The following PARD3 variants were observed in gnomAD, a reference collection of about 807,000 sequenced individuals.
The protein encoded by PARD3 is partitioning defective 3 homolog.
PARD3 carries 75 observed loss-of-function variants against 155.4 expected under a neutral mutation model. The ratio of observed to expected loss-of-function variants is 0.48; its 90% CI spans 0.40 to 0.58. PARD3 has a LOEUF of 0.58. PARD3 is among the 20% of genes least tolerant of loss of function. The probability of loss-of-function intolerance (pLI) is 0.00; values close to 1 mark genes in which losing one functional copy is unlikely to be tolerated. For missense variants in PARD3, 1,642 were observed against 1,721.7 expected, an observed-to-expected ratio of 0.95 and a Z score of 0.82; for synonymous variants, 576 against 610.5, an observed-to-expected ratio of 0.94 and a Z score of 0.83.
chr10:34,630,551 T>G (rs2092217720), intron 2 of PARD3, among the ~76,000 whole-genome samples: 1 of 149,300 alleles, frequency 6.7e-6, no homozygotes, highest in South Asian at 2.1e-4. Context: ...TGGGCTCAAG[T>G]GATCCTCCCA....
At chr10:34,814,736 G>A in intron 1 of PARD3, 140 bp downstream of exon 1, 1 of 684,790 alleles carries the variant, frequency 1.5e-6, no homozygotes, top group Non-Finnish European at 2.2e-6. Flanking sequence ...GGGGCGGGGG[G>A]CGCCCGCGAG....
intron 5 of PARD3, among the ~76,000 whole-genome samples, chr10:34,426,053 A>C (rs1026057398): frequency 1.7e-4 from 26 of 152,326 alleles, no homozygotes; most frequent in African/African-American, 6.0e-4. Context: ...TCAATACTAA[A>C]GAAATATTTA....
intron 2 of PARD3, among the ~76,000 whole-genome samples, chr10:34,659,419 G>A (rs758899771): frequency 2.5e-4 from 38 of 151,878 alleles, no homozygotes; most frequent in East Asian, 5.8e-4. Context: ...ATTAATCTTC[G>A]CCAAAACTGT....
At chr10:34,684,622 C>T (rs918824354) in intron 2 of PARD3, among the ~76,000 whole-genome samples, 2 of 152,088 alleles carry the variant, frequency 1.3e-5, no homozygotes, top group African/African-American at 4.8e-5. Flanking sequence ...AATCCTGGTT[C>T]CAGAAAACCT....
chr10:34,432,492 A>C (rs1250444011), intron 5 of PARD3, among the ~76,000 whole-genome samples: 5 of 152,144 alleles, frequency 3.3e-5, no homozygotes. Flanking sequence ...AATTAAAAGA[A>C]ACAAGAAAAG....
intron 22 of PARD3, among the ~76,000 whole-genome samples, chr10:34,245,424 G>A (rs1953881089): frequency 6.6e-6 from 1 of 151,800 alleles, no homozygotes; most frequent in African/African-American, 2.4e-5. Flanking sequence ...ACTTGATTCT[G>A]CCGTCGTTCT....
At chr10:34,575,384 T>C (rs938765810) in intron 2 of PARD3, among the ~76,000 whole-genome samples, 23 of 152,174 alleles carry the variant, frequency 1.5e-4, no homozygotes, top group African/African-American at 5.3e-4. Context: ...TGGGACATAA[T>C]CACAAGGGAG....
chr10:34,260,800 TACA>T (rs1264347021), intron 22 of PARD3, among the ~76,000 whole-genome samples: 2 of 152,190 alleles, frequency 1.3e-5, no homozygotes, highest in African/African-American at 4.8e-5. Flanking sequence ...CAGTAGCAAA[TACA>T]ACTTTGTTAT....
intron 2 of PARD3, among the ~76,000 whole-genome samples, chr10:34,660,369 T>C (rs941515429): frequency 6.6e-6 from 1 of 152,224 alleles, no homozygotes; most frequent in African/African-American, 2.4e-5. Context: ...TTACATTATC[T>C]ATGCTTATTT....
intron 2 of PARD3, among the ~76,000 whole-genome samples, chr10:34,598,417 T>C (rs1005443733): frequency 1.3e-5 from 2 of 152,194 alleles, no homozygotes; most frequent in Non-Finnish European, 2.9e-5. Flanking sequence ...TGACAAGGAA[T>C]AGTCCACCCT....
intron 22 of PARD3, among the ~76,000 whole-genome samples, chr10:34,182,046 C>T (rs543465871): frequency 1.4e-4 from 22 of 152,310 alleles, no homozygotes; most frequent in African/African-American, 5.1e-4. Context: ...GTCTATACCG[C>T]TGATGAAAAG....
chr10:34,185,846 T>TTATATTA (rs1950468213), intron 22 of PARD3, among the ~76,000 whole-genome samples: 2 of 142,388 alleles, frequency 1.4e-5, no homozygotes, highest in African/African-American at 5.6e-5. Flanking sequence ...TTATATTATA[T>TTATATTA]TATATTATAT....
In PARD3 at chr10:34,674,003, A is replaced by AAG. The variant is rs1564490537; in HGVS notation, c.222+22314_222+22315insCT. Among the ~76,000 whole-genome samples, 2 of 144,666 alleles carry AAG rather than the reference A, an allele frequency of 1.4e-5. 1 individual carries two copies. 94.9% of individuals were successfully genotyped at this position (144,666 alleles called of 152,430 possible). A position where few individuals can be genotyped will look rare whatever the true frequency, so the allele number is the denominator to read the frequency against. On this transcript the variant is annotated intron_variant, in intron 2 of 24. Coordinates refer to ENST00000374788, the MANE Select transcript of PARD3 (RefSeq NM_001184785.2). ...CTGCATCAAAAAAAAAAAAACAAAC[A>AAG]AACAGGAGGAGAGTTCTAATTCCCA...
chr10:34,658,198 T>A (rs1213202149), intron 2 of PARD3, among the ~76,000 whole-genome samples: 3 of 152,114 alleles, frequency 2.0e-5, no homozygotes, highest in Non-Finnish European at 2.9e-5. Context: ...AATGTTTTTT[T>A]AAAAATGTGT....
intron 21 of PARD3, among the ~76,000 whole-genome samples, chr10:34,276,532 T>C (rs1564540584): frequency 6.6e-6 from 1 of 152,196 alleles, no homozygotes; most frequent in Non-Finnish European, 1.5e-5. Flanking sequence ...TTCTATTCAT[T>C]AGTATTTTTG....
chr10:34,725,234 G>A (rs2094686789), intron 1 of PARD3, among the ~76,000 whole-genome samples: 1 of 151,270 alleles, frequency 6.6e-6, no homozygotes, highest in Non-Finnish European at 1.5e-5. Context: ...CTCACTGCAT[G>A]CTCCAACTCC....
At chr10:34,630,869 C>A (rs1379900969) in intron 2 of PARD3, among the ~76,000 whole-genome samples, 1 of 151,806 alleles carries the variant, frequency 6.6e-6, no homozygotes, top group Non-Finnish European at 1.5e-5. Flanking sequence ...GGCTGGAGTG[C>A]AGTGGCGCAA....
chr10:34,728,767 G>A (rs1261905715), intron 1 of PARD3, among the ~76,000 whole-genome samples: 1 of 152,108 alleles, frequency 6.6e-6, no homozygotes, highest in Non-Finnish European at 1.5e-5. Context: ...TTTTCAGGAG[G>A]TACATTAGTT....
intron 21 of PARD3, among the ~76,000 whole-genome samples, chr10:34,282,897 A>G (rs1048222544): frequency 3.3e-5 from 5 of 152,184 alleles, no homozygotes; most frequent in Admixed American, 2.6e-4. Context: ...GATGAGGATT[A>G]GAAAGAGTCC....
Sources: allele counts gnomAD v4.1 joint callset (sites outside exome capture counted in the v4.1 genomes callset), GRCh38; gene constraint gnomAD v4.1.1; transcripts MANE v1.5; gene names NCBI Gene and HGNC (gene_info 2026-07-23, HGNC 2026-07-21).